Variants in CAMTA1 observed in about 807,000 individuals in gnomAD.
CAMTA1 encodes calmodulin binding transcription activator 1, also known as calmodulin-binding transcription activator 1.
Under a neutral mutation model 170.9 loss-of-function variants are expected in CAMTA1, and 27 were observed. The observed-to-expected ratio is 0.16, with a 90% confidence interval of 0.12 to 0.22. CAMTA1 has a LOEUF of 0.22. CAMTA1 is among the 10% of genes least tolerant of loss of function. The pLI is 1.00. For missense variants in CAMTA1, 1,619 were observed against 2,217.2 expected (o/e 0.73, Z 5.42); for synonymous variants, 833 against 891.5 (o/e 0.93, Z 1.17).
At chr1:7,684,107 C>A (rs1013241379) in intron 11 of CAMTA1, among the ~76,000 whole-genome samples, 1 of 152,192 alleles carries the variant, frequency 6.6e-6, no homozygotes, top group Non-Finnish European at 1.5e-5. Flanking sequence ...GGAGCAGTGG[C>A]AAATGGTGCC....
intron 6 of CAMTA1, among the ~76,000 whole-genome samples, chr1:7,530,400 C>T (rs943684791): frequency 2.0e-5 from 3 of 152,180 alleles, no homozygotes; most frequent in Non-Finnish European, 4.4e-5. Flanking sequence ...TGATTCGAGG[C>T]AGAGCGGCAC....
intron 10 of CAMTA1, among the ~76,000 whole-genome samples, chr1:7,672,723 TC>T (rs1210459367): frequency 1.3e-5 from 2 of 152,102 alleles, no homozygotes; most frequent in African/African-American, 4.8e-5. Context: ...GCCCCATCTC[TC>T]TCAGGCTCTT....
chr1:7,347,855 G>C (rs920630959), intron 5 of CAMTA1, among the ~76,000 whole-genome samples: 2 of 152,138 alleles, frequency 1.3e-5, no homozygotes, highest in African/African-American at 4.8e-5. Flanking sequence ...TTGGAGTCAG[G>C]CACGACCCTA....
chr1:6,867,688 A>G (rs77289597), intron 3 of CAMTA1, among the ~76,000 whole-genome samples: 1 of 152,212 alleles, frequency 6.6e-6, no homozygotes, highest in Admixed American at 6.5e-5. Flanking sequence ...ACTGTAGTGT[A>G]TACATAGCTC....
At chr1:6,813,861 C>T (rs973175561) in intron 1 of CAMTA1, among the ~76,000 whole-genome samples, 1 of 152,162 alleles carries the variant, frequency 6.6e-6, no homozygotes, top group Non-Finnish European at 1.5e-5. Context: ...AGTGGCAATT[C>T]GGTGGCCTTA....
At chr1:7,639,669 G>A (rs1447441007) in intron 6 of CAMTA1, among the ~76,000 whole-genome samples, 1 of 152,126 alleles carries the variant, frequency 6.6e-6, no homozygotes, top group Non-Finnish European at 1.5e-5. Context: ...GCCTCAGGAG[G>A]CTGAAGTGGG....
At position 6,965,810 on chromosome 1, in the gene CAMTA1, G is replaced by A. The variant is rs556283914; in HGVS notation, c.235-125494G>A. ...TGAGGTCTGGATGGAGCCTGAATGCGGCATTAACTGCATATCAGAGACCCT... is the reference window on the plus strand; with the variant it reads ...TGAGGTCTGGATGGAGCCTGAATGCAGCATTAACTGCATATCAGAGACCCT... On this transcript the variant is annotated intron_variant, in intron 3 of 22. Coordinates refer to ENST00000303635, the MANE Select transcript of CAMTA1 (RefSeq NM_015215.4). This position sits in a 1 kb window ranked among gnomAD's most constrained non-coding sequence, Gnocchi z 4.1. 6.6e-6 allele frequency among the ~76,000 whole-genome samples: 1 copy of A among 152,280 alleles called. No individual in the cohort carries two copies. The highest frequency in any genetic ancestry group is 1.9e-4 in the East Asian group (1 of 5,188).
At chr1:6,967,585 C>T (rs1163579077) in intron 3 of CAMTA1, among the ~76,000 whole-genome samples, 1 of 152,172 alleles carries the variant, frequency 6.6e-6, no homozygotes, top group Non-Finnish European at 1.5e-5. Flanking sequence ...GTTGAGGGCT[C>T]TAGGGCAGCT....
chr1:7,308,926 A>G (rs1048646900), intron 5 of CAMTA1, among the ~76,000 whole-genome samples: 5 of 152,212 alleles, frequency 3.3e-5, no homozygotes, highest in African/African-American at 4.8e-5. Context: ...GCTTCCAGCT[A>G]TAGTTGTGGG....
In CAMTA1 at chr1:7,510,294, G is replaced by T. The variant is rs535715645; in HGVS notation, c.510+42393G>T. Among the ~76,000 whole-genome samples, 3 of 144,908 alleles carry T rather than the reference G, an allele frequency of 2.1e-5. No individual in the cohort carries two copies. The East Asian group carries it at 6.7e-4, about 32-fold the overall frequency. ...CTGGGCCCCACCCCCGGGAATTCTG[G>T]GTGCCCCACTCTGGGGTAGAGCCCA... On this transcript the variant is annotated intron_variant, in intron 6 of 22. Transcript: ENST00000303635.
chr1:7,479,646 G>A (rs2093479734), intron 6 of CAMTA1, among the ~76,000 whole-genome samples: 1 of 152,162 alleles, frequency 6.6e-6, no homozygotes, highest in Non-Finnish European at 1.5e-5. Flanking sequence ...CTCCTGCCCA[G>A]CCCAGCTCAG....
At chr1:6,992,591 T>C (rs531025815) in intron 3 of CAMTA1, among the ~76,000 whole-genome samples, 1 of 152,342 alleles carries the variant, frequency 6.6e-6, no homozygotes, top group African/African-American at 2.4e-5. Flanking sequence ...GGTTCATGGT[T>C]CTGCAGGCTG....
At chr1:7,524,307 T>G (rs2094404827) in intron 6 of CAMTA1, among the ~76,000 whole-genome samples, 2 of 152,232 alleles carry the variant, frequency 1.3e-5, no homozygotes, top group African/African-American at 2.4e-5. Context: ...CATATAGAAA[T>G]GCAATCAATT....
chr1:7,091,053 A>T (rs1641405693), intron 3 of CAMTA1, among the ~76,000 whole-genome samples: 1 of 152,186 alleles, frequency 6.6e-6, no homozygotes, highest in Non-Finnish European at 1.5e-5. Flanking sequence ...CCACAGAGAA[A>T]TATTTTTGTC....
intron 6 of CAMTA1, among the ~76,000 whole-genome samples, chr1:7,477,713 G>C (rs1211091952): frequency 6.6e-6 from 1 of 152,224 alleles, no homozygotes; most frequent in East Asian, 1.9e-4. Flanking sequence ...CTGGGCGACA[G>C]GAGGACATCC....
At chr1:7,059,944 G>C (rs757823455) in intron 3 of CAMTA1, among the ~76,000 whole-genome samples, 1 of 152,176 alleles carries the variant, frequency 6.6e-6, no homozygotes, top group African/African-American at 2.4e-5. Flanking sequence ...CACGGCAGAT[G>C]TGCTGAGGAA....
At chr1:7,544,569 C>T (rs2094663329) in intron 6 of CAMTA1, among the ~76,000 whole-genome samples, 1 of 152,210 alleles carries the variant, frequency 6.6e-6, no homozygotes, top group African/African-American at 2.4e-5. Flanking sequence ...TGAGAATTGT[C>T]GTACAAAGAG....
intron 3 of CAMTA1, among the ~76,000 whole-genome samples, chr1:6,937,471 C>G (rs909350138): frequency 4.1e-5 from 6 of 147,242 alleles, no homozygotes; most frequent in Non-Finnish European, 8.9e-5. Context: ...CTTACCACCA[C>G]CATCATCACC....
At chr1:7,438,506 A>G (rs931178975) in intron 5 of CAMTA1, among the ~76,000 whole-genome samples, 3 of 152,070 alleles carry the variant, frequency 2.0e-5, no homozygotes, top group Non-Finnish European at 4.4e-5. Flanking sequence ...AGGAATCTCT[A>G]TCCTCACCCT....
Sources: gnomAD v4.1 joint callset for allele counts (sites outside exome capture counted in the v4.1 genomes callset) on GRCh38, gnomAD v4.1.1 for gene constraint, Gnocchi (gnomAD v3.1) non-coding constraint, MANE v1.5 for transcripts, NCBI Gene and HGNC (gene_info 2026-07-23, HGNC 2026-07-21) for gene names.